ELMO1: variants seen among roughly 807,000 people sequenced by gnomAD.
ELMO1 encodes the protein engulfment and cell motility protein 1.
Under a neutral mutation model 98.9 loss-of-function variants are expected in ELMO1, and 26 were observed. The observed-to-expected ratio is 0.26, with a 90% CI of 0.19 to 0.36. The LOEUF (loss-of-function observed/expected upper bound fraction) is 0.36, where lower values mean the gene tolerates loss of function less well. ELMO1 is among the 10% of genes least tolerant of loss of function. ELMO1 has a pLI of 1.00. For missense variants in ELMO1, 627 were observed against 935.2 expected (o/e 0.67, Z 4.30); for synonymous variants, 346 against 346.0 (o/e 1.00, Z 0.00).
chr7:37,421,822 G>T (rs1016686703), intron 1 of ELMO1, among the ~76,000 whole-genome samples: 1 of 152,158 alleles, frequency 6.6e-6, no homozygotes, highest in Non-Finnish European at 1.5e-5. Flanking sequence ...TGGCCAAAAG[G>T]GTTAACCATT....
intron 16 of ELMO1, among the ~76,000 whole-genome samples, chr7:36,922,120 G>T (rs1158014891): frequency 6.6e-6 from 1 of 152,050 alleles, no homozygotes; most frequent in Non-Finnish European, 1.5e-5. Flanking sequence ...ATCAATAGGT[G>T]GTCAGGTGTC....
At chr7:37,056,202 G>A (rs548329851) in intron 15 of ELMO1, among the ~76,000 whole-genome samples, 1 of 152,294 alleles carries the variant, frequency 6.6e-6, no homozygotes, top group East Asian at 1.9e-4. Context: ...TAGATCCCTA[G>A]CCAGTTCTTT....
At chr7:36,970,756 CA>C (rs752402414) in intron 16 of ELMO1, among the ~76,000 whole-genome samples, 21 of 152,190 alleles carry the variant, frequency 1.4e-4, no homozygotes, top group African/African-American at 4.8e-4. Flanking sequence ...GAACAAAACA[CA>C]AAACCTGAGT....
chr7:36,912,981 G>C (rs1278984854), intron 16 of ELMO1, among the ~76,000 whole-genome samples: 1 of 152,132 alleles, frequency 6.6e-6, no homozygotes, highest in African/African-American at 2.4e-5. Flanking sequence ...TTGTGAAGCT[G>C]TGAAAGGATC....
intron 16 of ELMO1, among the ~76,000 whole-genome samples, chr7:37,011,916 T>C (rs931884276): frequency 9.8e-5 from 15 of 152,314 alleles, no homozygotes; most frequent in Admixed American, 9.8e-4. Context: ...GAAGTACACT[T>C]AGGAGGCTGC....
At chr7:37,364,516 CT>C (rs1428909753) in intron 1 of ELMO1, among the ~76,000 whole-genome samples, 1 of 151,906 alleles carries the variant, frequency 6.6e-6, no homozygotes, top group African/African-American at 2.4e-5. Flanking sequence ...TTTTCAAAAC[CT>C]TTAACACATA....
At chr7:37,013,475 A>G in intron 15 of ELMO1, 40 bp from the exon 16 acceptor site, 1 of 1,607,722 alleles carries the variant, frequency 6.2e-7, no homozygotes, top group Non-Finnish European at 8.5e-7. Flanking sequence ...AAAGTTTTAA[A>G]ACAGTGAAAC....
chr7:37,031,064 T>C (rs917508803), intron 15 of ELMO1, among the ~76,000 whole-genome samples: 5 of 152,164 alleles, frequency 3.3e-5, no homozygotes, highest in Admixed American at 3.3e-4. Context: ...ATATATTATA[T>C]TTACTCCTTT....
At chr7:37,077,137 T>A (rs1797625954) in intron 15 of ELMO1, among the ~76,000 whole-genome samples, 1 of 152,208 alleles carries the variant, frequency 6.6e-6, no homozygotes, top group African/African-American at 2.4e-5. Context: ...TATACTAGAA[T>A]TGGGATGGAA....
intron 1 of ELMO1, among the ~76,000 whole-genome samples, chr7:37,434,809 T>C (rs556279560): frequency 6.6e-6 from 1 of 152,318 alleles, no homozygotes; most frequent in East Asian, 1.9e-4. Flanking sequence ...CTGTACCCAG[T>C]AAAATTCTTT....
intron 13 of ELMO1, among the ~76,000 whole-genome samples, chr7:37,169,557 A>T (rs1466948692): frequency 6.6e-6 from 1 of 152,250 alleles, no homozygotes; most frequent in African/African-American, 2.4e-5. Flanking sequence ...ATGTCCTGAA[A>T]AAAATGTATT....
intron 6 of ELMO1, among the ~76,000 whole-genome samples, chr7:37,252,943 A>C (rs1346207072): frequency 6.6e-6 from 1 of 152,260 alleles, no homozygotes; most frequent in Admixed American, 6.5e-5. Context: ...TCTCAAAAGA[A>C]GACATTTATG....
intron 21 of ELMO1, among the ~76,000 whole-genome samples, chr7:36,857,870 A>G (rs73114266): frequency 0.079 from 12,017 of 152,264 alleles, 652 homozygotes; most frequent in Middle Eastern, 0.14. Flanking sequence ...AGGAAACATA[A>G]AGATAAACCT....
rs78085818 is a variant in ELMO1, at chr7:37,297,001, G to C, written c.192+17849C>G. ...CGAACTTGCTGAGATGATTTTTCTTGAGTGGGTGGATTCATGCCTGATTTA... is the reference window on the plus strand; with the variant it reads ...CGAACTTGCTGAGATGATTTTTCTTCAGTGGGTGGATTCATGCCTGATTTA... On this transcript the variant is annotated intron_variant, in intron 4 of 21. Transcript: ENST00000310758. Among the ~76,000 whole-genome samples the C allele has an allele frequency of 1.9e-4, 29 of 152,286 alleles. No individual in the cohort carries two copies. In the East Asian group the frequency reaches 5.0e-3, roughly 26 times the overall value.
At position 36,903,391 on chromosome 7, in the gene ELMO1, C is replaced by A. The variant is rs572734201; in HGVS notation, c.1438-8374G>T. 7.2e-5 allele frequency among the ~76,000 whole-genome samples: 11 copies of A among 152,302 alleles called. No homozygotes were observed. In the South Asian group the frequency reaches 8.3e-4, roughly 11 times the overall value. ...CTGTACCATAATGTAATGACCTGTG[C>A]CCTCCTTTATTACTATCTCATCTCC... On this transcript the variant is annotated intron_variant, in intron 16 of 21. Transcript: ENST00000310758.
chr7:37,319,867 A>T (rs1356152002), intron 2 of ELMO1, among the ~76,000 whole-genome samples: 1 of 152,042 alleles, frequency 6.6e-6, no homozygotes, highest in African/African-American at 2.4e-5. Flanking sequence ...CCACATCTCC[A>T]ATTTTTTTTT....
intron 4 of ELMO1, among the ~76,000 whole-genome samples, chr7:37,298,396 G>A (rs1236877964): frequency 6.8e-6 from 1 of 146,618 alleles, no homozygotes; most frequent in Non-Finnish European, 1.5e-5. Flanking sequence ...CTGGTGTGCT[G>A]CACCCACTAA....
intron 16 of ELMO1, among the ~76,000 whole-genome samples, chr7:36,920,771 C>T (rs576200944): frequency 2.6e-5 from 4 of 152,056 alleles, no homozygotes; most frequent in African/African-American, 7.2e-5. Context: ...TCCTGAAATG[C>T]CGTCTTGCTT....
chr7:37,366,809 A>G (rs144832396), intron 1 of ELMO1, among the ~76,000 whole-genome samples: 1 of 152,362 alleles, frequency 6.6e-6, no homozygotes, highest in East Asian at 1.9e-4. Context: ...TTTCAAAAAT[A>G]TTAACAAGAA....
Sources: allele counts gnomAD v4.1 joint callset (sites outside exome capture counted in the v4.1 genomes callset), GRCh38; gene constraint gnomAD v4.1.1; transcripts MANE v1.5; gene names NCBI Gene and HGNC (gene_info 2026-07-23, HGNC 2026-07-21).